Variants in PTPRD observed in about 807,000 individuals in gnomAD.
PTPRD encodes the protein protein tyrosine phosphatase receptor type D.
Under a neutral mutation model 214.5 loss-of-function variants are expected in PTPRD, and 34 were observed. The ratio of observed to expected loss-of-function variants is 0.16; its 90% CI spans 0.12 to 0.21. PTPRD has a LOEUF of 0.21. PTPRD is among the 10% of genes least tolerant of loss of function. The pLI, the probability that PTPRD is intolerant of heterozygous loss-of-function variation, is 1.00. For missense variants in PTPRD, 2,545 were observed against 2,398.7 expected, an observed-to-expected ratio of 1.06 and a Z score of -1.27; for synonymous variants, 1,128 against 845.7, an observed-to-expected ratio of 1.33 and a Z score of -5.79.
At chr9:8,608,969 G>A (rs1291034257) in intron 14 of PTPRD, among the ~76,000 whole-genome samples, 1 of 152,124 alleles carries the variant, frequency 6.6e-6, no homozygotes. Context: ...AAGCAACCAG[G>A]TGAAAAACAG....
intron 9 of PTPRD, among the ~76,000 whole-genome samples, chr9:9,285,657 G>A (rs970207369): frequency 1.3e-5 from 2 of 151,680 alleles, no homozygotes; most frequent in Non-Finnish European, 2.9e-5. Flanking sequence ...TGTTTCCAGG[G>A]CCAGCACAGC....
At chr9:8,776,642 G>T (rs539266043) in intron 11 of PTPRD, among the ~76,000 whole-genome samples, 2 of 151,934 alleles carry the variant, frequency 1.3e-5, no homozygotes, top group Non-Finnish European at 2.9e-5. Context: ...TGATCCAATG[G>T]GCTCTGTAAG....
intron 5 of PTPRD, among the ~76,000 whole-genome samples, chr9:9,873,757 A>G (rs2066105500): frequency 6.6e-6 from 1 of 152,150 alleles, no homozygotes; most frequent in Admixed American, 6.6e-5. Context: ...TTCTTTCTCC[A>G]TCCTGAGGCT....
chr9:10,583,845 G>C (rs944376449), intron 2 of PTPRD, among the ~76,000 whole-genome samples: 1 of 152,086 alleles, frequency 6.6e-6, no homozygotes, highest in African/African-American at 2.4e-5. Flanking sequence ...GTGTTATTTC[G>C]AAGGGCAGCT....
At chr9:8,783,190 G>C (rs369518535) in intron 11 of PTPRD, among the ~76,000 whole-genome samples, 12 of 152,000 alleles carry the variant, frequency 7.9e-5, no homozygotes, top group African/African-American at 2.9e-4. Flanking sequence ...CCATTTTAAA[G>C]TCAGAACAAA....
chr9:8,417,169 T>C (rs1589866953), intron 35 of PTPRD, among the ~76,000 whole-genome samples: 1 of 152,236 alleles, frequency 6.6e-6, no homozygotes, highest in Non-Finnish European at 1.5e-5. Context: ...AGCCACAGCT[T>C]TCTATAATAT....
At chr9:10,430,526 A>G (rs1020587649) in intron 2 of PTPRD, among the ~76,000 whole-genome samples, 1 of 151,968 alleles carries the variant, frequency 6.6e-6, no homozygotes, top group Non-Finnish European at 1.5e-5. Context: ...TTTATAAGGC[A>G]TATAATTATA....
chr9:10,509,622 G>C (rs1389040974), intron 2 of PTPRD, among the ~76,000 whole-genome samples: 1 of 135,358 alleles, frequency 7.4e-6, no homozygotes, highest in Non-Finnish European at 1.5e-5. Flanking sequence ...AGATTCTCCA[G>C]GTACATTTGG....
At chr9:8,852,659 C>T (rs2097843513) in intron 11 of PTPRD, among the ~76,000 whole-genome samples, 1 of 152,324 alleles carries the variant, frequency 6.6e-6, no homozygotes, top group South Asian at 2.1e-4. Context: ...GCTGTCTTAG[C>T]TCTCCAAACT....
intron 2 of PTPRD, among the ~76,000 whole-genome samples, chr9:10,437,023 T>C (rs1327021878): frequency 2.0e-5 from 3 of 151,920 alleles, no homozygotes; most frequent in African/African-American, 7.2e-5. Flanking sequence ...CCTTAGCTGC[T>C]GAGATAAGTA....
chr9:10,336,376 C>T (rs891106678), intron 3 of PTPRD, among the ~76,000 whole-genome samples: 7 of 151,360 alleles, frequency 4.6e-5, no homozygotes, highest in African/African-American at 4.8e-5. Context: ...AAGTGACTAC[C>T]GGAAGGAAAC....
chr9:8,689,263 C>G (rs542027170), intron 12 of PTPRD, among the ~76,000 whole-genome samples: 5 of 152,154 alleles, frequency 3.3e-5, no homozygotes, highest in African/African-American at 9.6e-5. Flanking sequence ...AAAACAAAAT[C>G]AGAGTAAGAG....
chr9:9,193,332 C>A (rs906152832), intron 9 of PTPRD, among the ~76,000 whole-genome samples: 3 of 152,062 alleles, frequency 2.0e-5, no homozygotes. Context: ...GATAATTATG[C>A]TATTTGAAGC....
intron 14 of PTPRD, among the ~76,000 whole-genome samples, chr9:8,628,966 C>A (rs536678865): frequency 7.3e-5 from 11 of 151,578 alleles, no homozygotes; most frequent in Non-Finnish European, 1.3e-4. Context: ...TATATCATAC[C>A]CTGTTCTGTT....
At chr9:10,068,007 A>C (rs2154176477) in intron 3 of PTPRD, among the ~76,000 whole-genome samples, 1 of 152,020 alleles carries the variant, frequency 6.6e-6, no homozygotes, top group Admixed American at 6.6e-5. Context: ...TCACAATTTA[A>C]ACTTTTCCTT....
intron 2 of PTPRD, among the ~76,000 whole-genome samples, chr9:10,443,096 A>T (rs1197885668): frequency 6.6e-6 from 1 of 151,370 alleles, no homozygotes; most frequent in Non-Finnish European, 1.5e-5. Context: ...TTCAGAAAAA[A>T]AAAAAAAGGC....
intron 14 of PTPRD, among the ~76,000 whole-genome samples, chr9:8,587,642 T>A (rs1377335182): frequency 1.3e-5 from 2 of 152,212 alleles, no homozygotes; most frequent in East Asian, 3.8e-4. Flanking sequence ...AAAGTTCTCT[T>A]ATATCCCAAA....
intron 10 of PTPRD, among the ~76,000 whole-genome samples, chr9:9,166,867 A>T (rs144488021): frequency 4.6e-5 from 7 of 152,286 alleles, no homozygotes; most frequent in African/African-American, 1.7e-4. Context: ...GTTTAAGACT[A>T]CCTATAGTTA....
chr9:8,713,518 A>G, intron 12 of PTPRD: 1 of 1,205,128 alleles, frequency 8.3e-7, no homozygotes, highest in Middle Eastern at 2.4e-4. Context: ...GGTGTTTGAG[A>G]AGTCCCCGCT....
Sources: allele counts gnomAD v4.1 joint callset (sites outside exome capture counted in the v4.1 genomes callset), GRCh38; gene constraint gnomAD v4.1.1; transcripts MANE v1.5; gene names NCBI Gene and HGNC (gene_info 2026-07-23, HGNC 2026-07-21).